SUSD5: variants seen among roughly 807,000 people sequenced by gnomAD.
SUSD5 encodes sushi domain-containing protein 5.
In SUSD5, 33 loss-of-function variants were observed where a neutral mutation model predicts 29.5. The observed-to-expected ratio is 1.12, with a 90% confidence interval of 0.85 to 1.49. The LOEUF (loss-of-function observed/expected upper bound fraction) is 1.49, where lower values mean the gene tolerates loss of function less well. SUSD5 is among the 40% of genes most tolerant of loss of function. The pLI is 0.00. For synonymous variants in SUSD5, 308 were observed against 325.3 expected (o/e 0.95, Z 0.57); for missense variants, 776 against 800.6 (o/e 0.97, Z 0.37).
chr3:33,195,067 C>T (rs2031968755), intron 3 of SUSD5, among the ~76,000 whole-genome samples: 1 of 152,098 alleles, frequency 6.6e-6, no homozygotes, highest in Non-Finnish European at 1.5e-5. Context: ...TGGTGGTGCA[C>T]ACCTGTAGTC....
At chr3:33,178,738 C>A (rs189679258) in intron 3 of SUSD5, among the ~76,000 whole-genome samples, 1 of 152,206 alleles carries the variant, frequency 6.6e-6, no homozygotes, top group East Asian at 1.9e-4. Context: ...GCGCCTGGCC[C>A]GGTCTGTAGT....
At chr3:33,201,858 G>C (rs190713669) in intron 3 of SUSD5, among the ~76,000 whole-genome samples, 5,800 of 152,014 alleles carry the variant, frequency 0.038, 309 homozygotes, top group African/African-American at 0.13. Flanking sequence ...CTTCCTGTCC[G>C]CCATGTCCTA....
In SUSD5 at chr3:33,152,939, C is replaced by T. The variant is rs186544854; in HGVS notation, c.1693G>A (p.Asp565Asn). ...CCTCTGCTGAGGCCAGGACATCCGT[C>T]CCCCACACACGACTCCAAGGTGGGA... Reference protein sequence around the residue: ...LHPTLESCVGDGCPGLSRGPV... With the variant: ...LHPTLESCVGNGCPGLSRGPV... The change falls in exon 5 of 5, where the codon GAC (aspartate) becomes AAC (asparagine). Residue 565 changes from aspartate (D) to asparagine (N), a missense_variant. Coordinates refer to ENST00000309558, the MANE Select transcript of SUSD5 (RefSeq NM_015551.2). 1.2e-6 allele frequency: 2 copies of T among 1,613,876 alleles called. No homozygotes were observed. The highest frequency in any genetic ancestry group is 1.7e-6 in the Non-Finnish European group (2 of 1,179,876).
rs1305923570 is a variant in SUSD5, at chr3:33,204,583, A to C, written c.409+3225T>G. On this transcript the variant is annotated intron_variant, in intron 3 of 4. Coordinates refer to ENST00000309558, the MANE Select transcript of SUSD5 (RefSeq NM_015551.2). This position sits in a 1 kb window ranked among gnomAD's most constrained non-coding sequence, Gnocchi z 4.5. ...TGATACACCCACCTCGGCCTCCCAA[A>C]GTGCTGGGATTACAGGCTTGAGCCA... Among the ~76,000 whole-genome samples the C allele has an allele frequency of 6.6e-6, 1 of 151,730 alleles. No homozygotes were observed. The highest frequency in any genetic ancestry group is 1.5e-5 in the Non-Finnish European group (1 of 67,948).
chr3:33,153,319 GGAA>G lies in SUSD5; in HGVS notation c.1310_1312del (p.Leu437del), dbSNP rs1303605534. ...AGCTTCCACATCTAGCATTTGAGATGGAAGAACTGAACTATGGGTCATGCCCTC... is the reference window on the plus strand; with the variant it reads ...AGCTTCCACATCTAGCATTTGAGATGGAACTGAACTATGGGTCATGCCCTC... On this transcript the variant is annotated inframe_deletion, in exon 5 of 5. Coordinates refer to ENST00000309558, the MANE Select transcript of SUSD5 (RefSeq NM_015551.2). The G allele has an allele frequency of 6.2e-7, 1 of 1,613,966 alleles. No individual in the cohort carries two copies. The highest frequency in any genetic ancestry group is 8.5e-7 in the Non-Finnish European group (1 of 1,179,878).
In SUSD5 at chr3:33,153,519, T is replaced by G; in HGVS notation, c.1113A>C (p.Leu371Phe). The G allele has an allele frequency of 6.2e-7, 1 of 1,614,112 alleles. No individual in the cohort carries two copies. Among genetic ancestry groups the G allele is most frequent in the South Asian group, 1.1e-5 (1 of 91,078 alleles). Reference sequence around the variant, plus strand: ...CCCCCTCTGTCACAGGGTAGCCATCTAACCAGGACTCATCACTGCTGCTCA... The same window carrying G: ...CCCCCTCTGTCACAGGGTAGCCATCGAACCAGGACTCATCACTGCTGCTCA... ...PVVSSSDESW[L>F]DGYPVTEGAW... Residue 371 changes from leucine to phenylalanine, a missense_variant, in exon 5 of 5, where the codon TTA becomes TTC. Leu to Phe is a conservative substitution (Grantham distance 22). Transcript: ENST00000309558.
At chr3:33,211,556 A>T (rs906832172) in intron 2 of SUSD5, among the ~76,000 whole-genome samples, 2 of 152,190 alleles carry the variant, frequency 1.3e-5, no homozygotes, top group Non-Finnish European at 2.9e-5. Flanking sequence ...TTGTCCCTTT[A>T]TTCAGTTGCT....
At position 33,151,357 on chromosome 3, in the gene SUSD5, A is replaced by G. The variant is rs2030873288; in HGVS notation, c.*1385T>C. On this transcript the variant is annotated 3_prime_UTR_variant, in exon 5 of 5. Transcript: ENST00000309558. ...AAACCATCCTCGCTGAGCCACCCTA[A>G]GATGATTTAGATGCTACGAAATGGG... is the stretch of plus-strand genomic sequence containing the variant. The G allele has an allele frequency of 6.6e-6, 1 of 152,240 alleles. No homozygotes were observed. The highest frequency in any genetic ancestry group is 2.1e-4 in the South Asian group (1 of 4,836). 9.4% of individuals were successfully genotyped at this position (152,240 alleles called of 1,614,324 possible).
In SUSD5 at chr3:33,207,945, G is replaced by A. The variant is rs748949242; in HGVS notation, c.291-19C>T. 1.3e-6 allele frequency: 2 copies of A among 1,582,154 alleles called. No homozygotes were observed. Among genetic ancestry groups the A allele is most frequent in the Middle Eastern group, 3.3e-4 (2 of 5,986 alleles). On this transcript the variant is annotated intron_variant, in intron 2 of 4. Coordinates refer to ENST00000309558, the MANE Select transcript of SUSD5 (RefSeq NM_015551.2). Reference sequence around the variant, plus strand: ...AGTTGTTCTGAAATAGACAAAAAAGGCACTGAATGAGGAAAACTCTGGGTT... The same window carrying A: ...AGTTGTTCTGAAATAGACAAAAAAGACACTGAATGAGGAAAACTCTGGGTT...
At chr3:33,216,736 A>G (rs997848995) in intron 1 of SUSD5, among the ~76,000 whole-genome samples, 3 of 152,180 alleles carry the variant, frequency 2.0e-5, no homozygotes, top group African/African-American at 7.2e-5. Flanking sequence ...ATCATACTTA[A>G]GCTGAGCATT....
intron 3 of SUSD5, among the ~76,000 whole-genome samples, chr3:33,195,751 A>AC (rs11373336): frequency 5.9e-5 from 9 of 151,802 alleles, no homozygotes; most frequent in Non-Finnish European, 8.8e-5. Flanking sequence ...AATGAAAAAA[A>AC]AAAAAACAGA....
rs182463131 is a variant in SUSD5, at chr3:33,153,326, C to A, written c.1306G>T (p.Val436Phe). The change falls in exon 5 of 5, where the codon GTT becomes TTT. Residue 436 changes from valine to phenylalanine, a missense_variant. Transcript: ENST00000309558. ...TPSEGMTHSS[V>F]LPSQMLDVEA... Reference sequence around the variant, plus strand: ...ACATCTAGCATTTGAGATGGAAGAACTGAACTATGGGTCATGCCCTCGCTT... The same window carrying A: ...ACATCTAGCATTTGAGATGGAAGAAATGAACTATGGGTCATGCCCTCGCTT... The A allele has an allele frequency of 2.4e-5, 38 of 1,613,964 alleles. No homozygotes were observed. The East Asian group carries it at 6.2e-4, about 26-fold the overall frequency.
Position 33,153,448 on chromosome 3 carries a change from C to T in SUSD5, c.1184G>A (p.Gly395Glu). Residue 395 changes from glycine to glutamate, a missense_variant, in exon 5 of 5, where the codon GGG (glycine) becomes GAG (glutamate). Coordinates refer to ENST00000309558, the MANE Select transcript of SUSD5 (RefSeq NM_015551.2). Reference protein sequence around the residue: ...EAEEEEDGDRGDGSVGLDENV... With the variant: ...EAEEEEDGDREDGSVGLDENV... ...TTCATCCAGCCCTACTGACCCATCC[C>T]CTCTGTCCCCATCTTCTTCCTCTTC... The T allele has an allele frequency of 6.2e-7, 1 of 1,614,068 alleles. No homozygotes were observed.
At chr3:33,168,653 T>A in intron 4 of SUSD5, 1 of 937,994 alleles carries the variant, frequency 1.1e-6, no homozygotes, top group Non-Finnish European at 1.3e-6. Flanking sequence ...TTTTATTTTT[T>A]ATTTTTATTT....
At position 33,207,903 on chromosome 3, in the gene SUSD5, C is replaced by T. The variant is rs1208740435; in HGVS notation, c.314G>A (p.Ser105Asn). ...AGCTCTCATGATTTGCTGTTCTCCACTTCCTTTGCTACACACAGTTGTTCT... is the reference window on the plus strand; with the variant it reads ...AGCTCTCATGATTTGCTGTTCTCCATTTCCTTTGCTACACACAGTTGTTCT... ...TLGTTVCSKG[S>N]GEQQIMRAVD... Residue 105 changes from serine (S) to asparagine (N), a missense_variant, in exon 3 of 5, where the codon AGT becomes AAT. Transcript: ENST00000309558. 37 of 1,613,866 alleles carry T rather than the reference C, an allele frequency of 2.3e-5. No homozygotes were observed. Among genetic ancestry groups the T allele is most frequent in the Non-Finnish European group, 3.1e-5 (36 of 1,179,814 alleles).
rs1286465040 is a variant in SUSD5, at chr3:33,172,609, G to A, written c.598+2277C>T. Among the ~76,000 whole-genome samples the A allele has an allele frequency of 6.6e-5, 10 of 152,340 alleles. No individual in the cohort carries two copies. The East Asian group carries it at 1.7e-3, about 26-fold the overall frequency. ...AGAATTGGCAAGTAGCTCCCGCCTG[G>A]CACAAAGCAACAGGAACAGAAGAAA... On this transcript the variant is annotated intron_variant, in intron 4 of 4. Coordinates refer to ENST00000309558, the MANE Select transcript of SUSD5 (RefSeq NM_015551.2).
chr3:33,165,982 G>A (rs2031295417), intron 4 of SUSD5, among the ~76,000 whole-genome samples: 1 of 145,178 alleles, frequency 6.9e-6, no homozygotes, highest in African/African-American at 2.5e-5. Context: ...CTGCACCGCA[G>A]CCTGGGTGAC....
At position 33,153,208 on chromosome 3, in the gene SUSD5, C is replaced by T. The variant is rs2030955913; in HGVS notation, c.1424G>A (p.Arg475Lys). ...LTKYQSTLPW[R>K]FITEESPMAT... is the part of the protein sequence containing the mutation. Reference sequence around the variant, plus strand: ...CATGGGAGATTCCTCTGTGATGAATCTCCAGGGTAGAGTTGACTGGTACTT... The same window carrying T: ...CATGGGAGATTCCTCTGTGATGAATTTCCAGGGTAGAGTTGACTGGTACTT... The change falls in exon 5 of 5, where the codon AGA becomes AAA. Residue 475 changes from arginine to lysine, a missense_variant. Transcript: ENST00000309558. The T allele has an allele frequency of 2.5e-6, 4 of 1,613,708 alleles. No individual in the cohort carries two copies. The South Asian group carries it at 3.3e-5, about 13-fold the overall frequency.
At chr3:33,165,543 G>A (rs9917681) in intron 4 of SUSD5, among the ~76,000 whole-genome samples, 126,084 of 152,178 alleles carry the variant, frequency 0.83, 52,816 homozygotes, top group East Asian at 1. Flanking sequence ...TAGACAATCA[G>A]AAGTGGACAC....
Sources: allele counts gnomAD v4.1 joint callset (sites outside exome capture counted in the v4.1 genomes callset), GRCh38; gene constraint gnomAD v4.1.1; non-coding constraint Gnocchi (gnomAD v3.1); transcripts MANE v1.5; gene names NCBI Gene and HGNC (gene_info 2026-07-23, HGNC 2026-07-21).